Variants in TIAM1 observed in about 807,000 individuals in gnomAD.
The protein encoded by TIAM1 is rho guanine nucleotide exchange factor TIAM1.
Under a neutral mutation model 163.5 loss-of-function variants are expected in TIAM1, and 65 were observed. That is an observed-to-expected ratio of 0.40 (90% confidence interval 0.33 to 0.49). The LOEUF is 0.49. TIAM1 is among the 20% of genes least tolerant of loss of function. TIAM1 has a pLI of 0.77. For synonymous variants in TIAM1, 833 were observed against 810.1 expected, an observed-to-expected ratio of 1.03 and a Z score of -0.48; for missense variants, 1,789 against 2,044.7, an observed-to-expected ratio of 0.87 and a Z score of 2.41.
chr21:31,213,411 A>G lies in TIAM1; in HGVS notation c.2204T>C (p.Val735Ala). The G allele has an allele frequency of 8.7e-6, 14 of 1,610,832 alleles. No homozygotes were observed. Among genetic ancestry groups the G allele is most frequent in the Non-Finnish European group, 1.1e-5 (13 of 1,179,438 alleles). Residue 735 changes from valine to alanine, a missense_variant, in exon 10 of 28, where the codon GTT becomes GCT. Transcript: ENST00000541036. ...GTTTATTTTTACCTTGCCATCTGGA[A>G]CAATGTCATCAAATATTCCCTCTAA... The part of the protein sequence containing the change: ...KSLEGIFDDI[V>A]PDGKREKEVV...
chr21:31,402,731 T>A (rs571907907), intron 2 of TIAM1, among the ~76,000 whole-genome samples: 1 of 151,966 alleles, frequency 6.6e-6, no homozygotes, highest in South Asian at 2.1e-4. Flanking sequence ...GGGGGTATCA[T>A]GAGGTCAGGA....
intron 6 of TIAM1, among the ~76,000 whole-genome samples, chr21:31,228,410 T>C (rs541270795): frequency 4.6e-5 from 7 of 152,054 alleles, no homozygotes; most frequent in African/African-American, 1.7e-4. Context: ...TAAAGTTGAA[T>C]ATATGCATAC....
intron 6 of TIAM1, among the ~76,000 whole-genome samples, chr21:31,231,969 G>C (rs895861131): frequency 1.1e-4 from 16 of 151,780 alleles, no homozygotes; most frequent in African/African-American, 9.7e-5. Flanking sequence ...CTGAGATTAT[G>C]CCACAGTACT....
intron 1 of TIAM1, among the ~76,000 whole-genome samples, chr21:31,521,774 A>ACT (rs1341380771): frequency 1.3e-5 from 2 of 151,890 alleles, no homozygotes; most frequent in Non-Finnish European, 2.9e-5. Context: ...ACACACACAC[A>ACT]CACAAAGTAA....
chr21:31,346,893 G>C (rs1254063225), upstream of TIAM1, among the ~76,000 whole-genome samples: 1 of 151,882 alleles, frequency 6.6e-6, no homozygotes, highest in Non-Finnish European at 1.5e-5. Context: ...GGGTGGGTGG[G>C]GGGCATATAC....
rs534387846 is a variant in TIAM1, at chr21:31,281,277, A to G, written c.-188-4369T>C. Among the ~76,000 whole-genome samples the G allele has an allele frequency of 5.3e-5, 8 of 152,218 alleles. No homozygotes were observed. In the South Asian group the frequency reaches 1.7e-3, roughly 32 times the overall value. ...TAAATAAAGTGACTTTTGGATAGTA[A>G]ATTACCCATTCTGAAAACCATCAGA... On this transcript the variant is annotated intron_variant, in intron 2 of 27. Transcript: ENST00000541036.
Position 31,266,232 on chromosome 21 carries a change from C to G in TIAM1, c.741G>C (p.Gly247=). Residue 247 remains glycine, a synonymous_variant, in exon 4 of 28, where the codon GGG becomes GGC. Coordinates refer to ENST00000541036, the MANE Select transcript of TIAM1 (RefSeq NM_001353694.2). The part of the protein sequence containing the change: ...AQKNSGVTAN[G]GPGSKFAGYC... The stretch of plus-strand genomic sequence containing the variant: ...AGCCTGCAAATTTGCTCCCCGGCCC[C>G]CCGTTTGCTGTCACTCCAGAGTTTT... The G allele has an allele frequency of 6.2e-7, 1 of 1,614,190 alleles. No individual in the cohort carries two copies. The highest frequency in any genetic ancestry group is 8.5e-7 in the Non-Finnish European group (1 of 1,180,036).
intron 1 of TIAM1, among the ~76,000 whole-genome samples, chr21:31,525,416 C>G (rs141835126): frequency 2.4e-3 from 360 of 151,614 alleles, no homozygotes; most frequent in Non-Finnish European, 4.0e-3. Context: ...AGAGCGAGAA[C>G]TCGCTCCTTG....
At chr21:31,188,188 T>A (rs957022560) in intron 13 of TIAM1, among the ~76,000 whole-genome samples, 2 of 152,276 alleles carry the variant, frequency 1.3e-5, no homozygotes, top group East Asian at 3.9e-4. Context: ...TAACCTCACA[T>A]AGGCAAAAAG....
At chr21:31,429,464 A>C (rs2043918858) in intron 2 of TIAM1, among the ~76,000 whole-genome samples, 1 of 152,236 alleles carries the variant, frequency 6.6e-6, no homozygotes, top group Non-Finnish European at 1.5e-5. Flanking sequence ...CATCCACTGC[A>C]GTATTTCCTA....
chr21:31,388,429 C>T (rs1158617272), intron 2 of TIAM1, among the ~76,000 whole-genome samples: 1 of 151,900 alleles, frequency 6.6e-6, no homozygotes, highest in African/African-American at 2.4e-5. Flanking sequence ...TCACTTAAGA[C>T]CAGGAGTTCA....
chr21:31,551,655 A>C (rs2048691812), intron 1 of TIAM1, among the ~76,000 whole-genome samples: 1 of 152,160 alleles, frequency 6.6e-6, no homozygotes, highest in South Asian at 2.1e-4. Context: ...AGGCAGGAGG[A>C]TCGCTTGAGC....
intron 19 of TIAM1, among the ~76,000 whole-genome samples, chr21:31,147,696 TAA>T (rs1010250694): frequency 7.6e-5 from 11 of 144,176 alleles, no homozygotes; most frequent in Non-Finnish European, 9.0e-5. Flanking sequence ...ATATATTCTA[TAA>T]AATATATATT....
intron 2 of TIAM1, among the ~76,000 whole-genome samples, chr21:31,429,825 G>GC (rs35244090): frequency 1 from 152,278 of 152,278 alleles, 76,139 homozygotes; most frequent in Non-Finnish European, 1. Context: ...AACTGGCTCC[G>GC]CTACTCCACA....
intron 2 of TIAM1, among the ~76,000 whole-genome samples, chr21:31,390,400 C>T (rs1052634182): frequency 2.6e-5 from 4 of 152,172 alleles, no homozygotes; most frequent in Middle Eastern, 3.4e-3. Flanking sequence ...ACTATTGTAC[C>T]CTTTAAGATA....
chr21:31,504,453 G>A (rs1430363206), intron 1 of TIAM1, among the ~76,000 whole-genome samples: 1 of 152,220 alleles, frequency 6.6e-6, no homozygotes, highest in Non-Finnish European at 1.5e-5. Context: ...GCCACCTTGA[G>A]GGCAATGCAC....
intron 2 of TIAM1, among the ~76,000 whole-genome samples, chr21:31,362,658 G>A (rs1317243496): frequency 6.6e-6 from 1 of 151,640 alleles, no homozygotes; most frequent in Admixed American, 6.6e-5. Flanking sequence ...GTAGAGATGG[G>A]GTTTCACCAT....
intron 1 of TIAM1, among the ~76,000 whole-genome samples, chr21:31,504,714 TC>T (rs2046971109): frequency 6.6e-6 from 1 of 152,220 alleles, no homozygotes; most frequent in Non-Finnish European, 1.5e-5. Flanking sequence ...TTTGGTTTTT[TC>T]TACGTTCAGA....
At chr21:31,453,924 T>C (rs1040029497) in intron 2 of TIAM1, among the ~76,000 whole-genome samples, 13 of 152,116 alleles carry the variant, frequency 8.5e-5, no homozygotes, top group Non-Finnish European at 2.9e-5. Context: ...GCCACCTTTC[T>C]GTTGCTCCCA....
Sources: allele counts gnomAD v4.1 joint callset (sites outside exome capture counted in the v4.1 genomes callset), GRCh38; gene constraint gnomAD v4.1.1; transcripts MANE v1.5; gene names NCBI Gene and HGNC (gene_info 2026-07-23, HGNC 2026-07-21).